CACNA2D1: variants seen among roughly 807,000 people sequenced by gnomAD.
The protein encoded by CACNA2D1 is voltage-dependent calcium channel subunit alpha-2/delta-1.
Under a neutral mutation model 171.5 loss-of-function variants are expected in CACNA2D1, and 53 were observed. The observed-to-expected ratio is 0.31, with a 90% CI of 0.25 to 0.39. The LOEUF (loss-of-function observed/expected upper bound fraction) is 0.39. Ranked by LOEUF, CACNA2D1 falls within the 10% of genes least tolerant of loss-of-function variation. CACNA2D1 has a pLI of 1.00. For missense variants in CACNA2D1, 903 were observed against 1,299.8 expected, an observed-to-expected ratio of 0.69 and a Z score of 4.69; for synonymous variants, 442 against 443.1, an observed-to-expected ratio of 1.00 and a Z score of 0.03.
At position 82,432,037 on chromosome 7, in the gene CACNA2D1, T is replaced by TAAAAAAAAAAAAAAAAA. The variant is rs34180150; in HGVS notation, c.95+11311_95+11327dup. On this transcript the variant is annotated intron_variant, in intron 1 of 38. Transcript: ENST00000356860. ...TGGGCAACAGAACAAGACTCTGTCT[T>TAAAAAAAAAAAAAAAAA]AAAAAAAAAAAAAAAAAAAAATTGG... is the stretch of plus-strand genomic sequence containing the variant. 7.8e-4 allele frequency among the ~76,000 whole-genome samples: 64 copies of TAAAAAAAAAAAAAAAAA among 82,198 alleles called. 5 individuals carry two copies. The highest frequency in any genetic ancestry group is 4.4e-3 in the African/African-American group (58 of 13,072). 53.9% of individuals were successfully genotyped at this position (82,198 alleles called of 152,430 possible).
intron 4 of CACNA2D1, among the ~76,000 whole-genome samples, chr7:82,139,457 C>T (rs1457842455): frequency 1.3e-5 from 2 of 152,074 alleles, no homozygotes; most frequent in African/African-American, 4.8e-5. Flanking sequence ...GGTTTTGTTT[C>T]CCTTTTTTGT....
intron 3 of CACNA2D1, among the ~76,000 whole-genome samples, chr7:82,319,357 T>A (rs1815525824): frequency 6.6e-6 from 1 of 152,196 alleles, no homozygotes; most frequent in South Asian, 2.1e-4. Context: ...TCAAAAATTA[T>A]ACATTATATT....
At chr7:82,390,645 T>C (rs1012020510) in intron 1 of CACNA2D1, among the ~76,000 whole-genome samples, 1 of 152,018 alleles carries the variant, frequency 6.6e-6, no homozygotes, top group Non-Finnish European at 1.5e-5. Flanking sequence ...GTTCCAGAGA[T>C]CCTAGGAAGC....
intron 3 of CACNA2D1, among the ~76,000 whole-genome samples, chr7:82,279,067 T>C (rs995733844): frequency 1.3e-5 from 2 of 152,188 alleles, no homozygotes; most frequent in African/African-American, 4.8e-5. Context: ...TGCAGAAAAG[T>C]CAGTGCCAAG....
At chr7:82,293,871 A>C (rs1016914514) in intron 3 of CACNA2D1, among the ~76,000 whole-genome samples, 7 of 152,150 alleles carry the variant, frequency 4.6e-5, no homozygotes, top group Admixed American at 4.6e-4. Flanking sequence ...ATGAGGTGCA[A>C]ATGTGATTAT....
intron 1 of CACNA2D1, among the ~76,000 whole-genome samples, chr7:82,425,558 A>G: frequency 7.2e-6 from 1 of 138,614 alleles, no homozygotes; most frequent in East Asian, 2.2e-4. Context: ...TTTTTTTTTT[A>G]AGAGACAGAG....
intron 7 of CACNA2D1, among the ~76,000 whole-genome samples, chr7:82,078,156 G>A (rs1394772841): frequency 1.3e-5 from 2 of 152,020 alleles, no homozygotes; most frequent in Non-Finnish European, 2.9e-5. Context: ...TTCCTTTATT[G>A]TAATCTCATA....
At chr7:82,383,100 C>T (rs187811091) in intron 1 of CACNA2D1, among the ~76,000 whole-genome samples, 1 of 152,162 alleles carries the variant, frequency 6.6e-6, no homozygotes, top group Admixed American at 6.5e-5. Flanking sequence ...AAAATAAACC[C>T]ACTAGGTATA....
At chr7:82,031,337 T>C (rs1802674433) in intron 12 of CACNA2D1, among the ~76,000 whole-genome samples, 2 of 151,970 alleles carry the variant, frequency 1.3e-5, no homozygotes, top group Non-Finnish European at 2.9e-5. Context: ...AATAAAGATA[T>C]GCACATATTA....
intron 1 of CACNA2D1, among the ~76,000 whole-genome samples, chr7:82,432,878 C>T (rs1262022751): frequency 6.6e-6 from 1 of 152,122 alleles, no homozygotes; most frequent in African/African-American, 2.4e-5. Flanking sequence ...ACCACAAGCA[C>T]CACACACTTA....
At chr7:82,426,922 A>T (rs1014338768) in intron 1 of CACNA2D1, among the ~76,000 whole-genome samples, 3 of 152,192 alleles carry the variant, frequency 2.0e-5, no homozygotes, top group African/African-American at 7.2e-5. Flanking sequence ...CCACCTCCAC[A>T]CAACTTTTAT....
At chr7:82,221,417 C>A (rs1801747237) in intron 3 of CACNA2D1, among the ~76,000 whole-genome samples, 1 of 152,136 alleles carries the variant, frequency 6.6e-6, no homozygotes. Context: ...ACAGTAGATT[C>A]TCTAATTCCG....
At chr7:82,409,819 G>A (rs988184919) in intron 1 of CACNA2D1, among the ~76,000 whole-genome samples, 4 of 152,150 alleles carry the variant, frequency 2.6e-5, no homozygotes, top group Non-Finnish European at 4.4e-5. Context: ...ATTGTTAGGC[G>A]ATTTTGTCAT....
chr7:82,090,982 T>G (rs772163850), intron 6 of CACNA2D1, among the ~76,000 whole-genome samples: 5 of 152,158 alleles, frequency 3.3e-5, no homozygotes, highest in Non-Finnish European at 5.9e-5. Flanking sequence ...CATTATCAGA[T>G]AAGCTGAGCC....
At chr7:82,160,767 C>G (rs1794866190) in intron 4 of CACNA2D1, among the ~76,000 whole-genome samples, 1 of 152,048 alleles carries the variant, frequency 6.6e-6, no homozygotes, top group African/African-American at 2.4e-5. Flanking sequence ...GCCACCACAC[C>G]TGGCATTTTC....
intron 31 of CACNA2D1, among the ~76,000 whole-genome samples, chr7:81,966,028 A>T (rs74779354): frequency 0.065 from 9,917 of 151,680 alleles, 470 homozygotes; most frequent in Non-Finnish European, 0.089. Context: ...CATACTTAGG[A>T]TTTTGACAAA....
rs187718094 is a variant in CACNA2D1 at position 82,170,509 on chromosome 7, T to C, written c.354+41A>G. ...TGCATGTAATTATCCATACACAATA[T>C]GTCAAGCTATTTAAATCAAGTAGTT... On this transcript the variant is annotated intron_variant, in intron 4 of 38. Coordinates refer to ENST00000356860, the MANE Select transcript of CACNA2D1 (RefSeq NM_000722.4). 1.4e-5 allele frequency: 18 copies of C among 1,325,770 alleles called. No individual in the cohort carries two copies. The East Asian group carries it at 3.4e-4, about 25-fold the overall frequency. The allele number at this position is 1,325,770 out of a possible 1,614,324, so 82.1% of individuals were successfully genotyped here.
rs1424913959 is a variant in CACNA2D1, at chr7:82,109,168, T to C, written c.526+7876A>G. Among the ~76,000 whole-genome samples, 2 of 152,136 alleles carry C rather than the reference T, an allele frequency of 1.3e-5. 1 individual carries two copies. Among genetic ancestry groups the C allele is most frequent in the Non-Finnish European group, 2.9e-5 (2 of 68,008 alleles). On this transcript the variant is annotated intron_variant, in intron 6 of 38. Coordinates refer to ENST00000356860, the MANE Select transcript of CACNA2D1 (RefSeq NM_000722.4). The stretch of plus-strand genomic sequence containing the variant: ...TTAAAAACATTCACTTTTTTAGTCA[T>C]TTAACATACAACTCTATATATTATA...
rs748929082 is a variant in CACNA2D1, at chr7:81,959,325, G to C, written c.3109C>G (p.Gln1037Glu). 3.7e-5 allele frequency: 59 copies of C among 1,611,280 alleles called. No individual in the cohort carries two copies. Among genetic ancestry groups the C allele is most frequent in the Non-Finnish European group, 4.6e-5 (54 of 1,177,800 alleles). Reference sequence around the variant, plus strand: ...TCAGGCCCTTTTCGGTATCTGGGTTGCTTAACCATGTCACAAGGATTTGGA... The same window carrying C: ...TCAGGCCCTTTTCGGTATCTGGGTTCCTTAACCATGTCACAAGGATTTGGA... ...DGPNPCDMVK[Q>E]PRYRKGPDVC... Residue 1037 changes from glutamine (Q) to glutamate (E), a missense_variant, in exon 38 of 39, where the codon CAA (glutamine) becomes GAA (glutamate). Coordinates refer to ENST00000356860, the MANE Select transcript of CACNA2D1 (RefSeq NM_000722.4).
Sources: gnomAD v4.1 joint callset for allele counts (sites outside exome capture counted in the v4.1 genomes callset) on GRCh38, gnomAD v4.1.1 for gene constraint, MANE v1.5 for transcripts, NCBI Gene and HGNC (gene_info 2026-07-23, HGNC 2026-07-21) for gene names.